The following CLCN4 variants were observed in gnomAD, a reference collection of about 807,000 sequenced individuals.
The protein encoded by CLCN4 is H(+)/Cl(-) exchange transporter 4.
A neutral mutation model predicts 41.7 loss-of-function variants in CLCN4; 1 was observed. The ratio of observed to expected loss-of-function variants is 0.02; its 90% CI spans 0.01 to 0.11. The LOEUF (loss-of-function observed/expected upper bound fraction) is 0.11. CLCN4 is among the 10% of genes least tolerant of loss of function. CLCN4 has a pLI of 1.00. For synonymous variants in CLCN4, 277 were observed against 285.8 expected, an observed-to-expected ratio of 0.97 and a Z score of 0.31; for missense variants, 287 against 661.0, an observed-to-expected ratio of 0.43 and a Z score of 6.20.
intron 12 of CLCN4, among the ~76,000 whole-genome samples, chrX:10,226,500 C>T (rs1248484820): frequency 1.8e-5 from 2 of 111,320 alleles, no homozygotes; most frequent in Non-Finnish European, 1.9e-5. Context: ...GAACCAAGAG[C>T]AGACAAACCC....
chrX:10,229,123 T>A (rs1198096559), intron 12 of CLCN4, among the ~76,000 whole-genome samples: 1 of 110,097 alleles, frequency 9.1e-6, no homozygotes, highest in African/African-American at 3.3e-5. Flanking sequence ...GTGGAAGGAG[T>A]CCTATTGGCC....
intron 11 of CLCN4, among the ~76,000 whole-genome samples, chrX:10,216,918 T>TATATATATACAC (rs773265490): frequency 1.3e-4 from 5 of 38,931 alleles, no homozygotes; most frequent in African/African-American, 2.2e-4. Context: ...TATATATATA[T>TATATATATACAC]ACACACACAC....
Position 10,235,969 on chromosome X carries a change from C to T in CLCN4, c.*2385C>T, listed in dbSNP as rs1452604605. 1 of 112,454 alleles carries T rather than the reference C, an allele frequency of 8.9e-6. No individual in the cohort carries two copies. Among genetic ancestry groups the T allele is most frequent in the East Asian group, 2.8e-4 (1 of 3,575 alleles). 9.3% of individuals were successfully genotyped at this position (112,454 alleles called of 1,213,427 possible). A position where few individuals can be genotyped will look rare whatever the true frequency, so the allele number is the denominator to read the frequency against. ...CGTTTACAAGTGAAGTTGGATTCTC[C>T]TGGGCTTTAAATCCAAAAAGTCTTA... On this transcript the variant is annotated 3_prime_UTR_variant, in exon 13 of 13. Coordinates refer to ENST00000380833, the MANE Select transcript of CLCN4 (RefSeq NM_001830.4).
At chrX:10,214,723 G>A (rs964422783) in intron 11 of CLCN4, among the ~76,000 whole-genome samples, 3 of 112,636 alleles carry the variant, frequency 2.7e-5, no homozygotes, top group Admixed American at 9.4e-5. Context: ...TGAGGGGCAG[G>A]CTGTTGAGTT....
chrX:10,203,408 A>G (rs757405362), intron 6 of CLCN4, among the ~76,000 whole-genome samples: 1 of 111,138 alleles, frequency 9.0e-6, no homozygotes, highest in South Asian at 3.9e-4. Context: ...AGTTCAGGAA[A>G]CACCATCTGA....
intron 2 of CLCN4, among the ~76,000 whole-genome samples, chrX:10,173,472 C>CGGGCTGG (rs1284016562): frequency 9.0e-6 from 1 of 110,955 alleles, no homozygotes; most frequent in Non-Finnish European, 1.9e-5. Flanking sequence ...CTGCGCACCC[C>CGGGCTGG]GGGCTGGGAA....
At chrX:10,230,370 G>C (rs1449062319) in intron 12 of CLCN4, among the ~76,000 whole-genome samples, 1 of 112,248 alleles carries the variant, frequency 8.9e-6, no homozygotes, top group African/African-American at 3.2e-5. Context: ...TAAAGCTTTT[G>C]CAACCGTAGA....
At chrX:10,214,774 C>T (rs890416643) in intron 11 of CLCN4, among the ~76,000 whole-genome samples, 30 of 111,700 alleles carry the variant, frequency 2.7e-4, no homozygotes, top group Non-Finnish European at 5.1e-4. Context: ...TCAGGGTGTC[C>T]CAACGACAGG....
chrX:10,174,558 T>C (rs974762514), intron 2 of CLCN4, among the ~76,000 whole-genome samples: 1 of 112,198 alleles, frequency 8.9e-6, no homozygotes, highest in Admixed American at 9.3e-5. Flanking sequence ...TAGGAGGTGG[T>C]CTTGTTAGCC....
intron 3 of CLCN4, among the ~76,000 whole-genome samples, chrX:10,186,536 T>C: frequency 9.0e-6 from 1 of 110,774 alleles, no homozygotes; most frequent in Non-Finnish European, 1.9e-5. Context: ...GGGCTGGCGG[T>C]GAGGGGAGAG....
At chrX:10,161,124 GCT>G (rs34687262) in intron 2 of CLCN4, among the ~76,000 whole-genome samples, 2,044 of 86,094 alleles carry the variant, frequency 0.024, 22 homozygotes, top group African/African-American at 0.043. Flanking sequence ...CCATCAGCTT[GCT>G]CTCTCTCTCT....
At chrX:10,211,788 G>A (rs770543185) in intron 9 of CLCN4, among the ~76,000 whole-genome samples, 1 of 112,244 alleles carries the variant, frequency 8.9e-6, no homozygotes, top group East Asian at 2.8e-4. Flanking sequence ...ATCCAGCAGG[G>A]TAGAGAACAC....
intron 12 of CLCN4, among the ~76,000 whole-genome samples, chrX:10,225,877 T>C (rs1685846032): frequency 8.9e-6 from 1 of 111,885 alleles, no homozygotes; most frequent in Non-Finnish European, 1.9e-5. Context: ...TTGTTAGCTT[T>C]GTCAAAGATC....
At chrX:10,158,802 G>A (rs1251933784) in intron 2 of CLCN4, among the ~76,000 whole-genome samples, 6 of 113,724 alleles carry the variant, frequency 5.3e-5, no homozygotes, top group African/African-American at 1.9e-4. Context: ...GCGGGCAGGG[G>A]CCAGACAGAA....
At chrX:10,213,636 T>G in intron 10 of CLCN4, 45 bp from the exon 11 acceptor site, 1 of 1,133,846 alleles carries the variant, frequency 8.8e-7, no homozygotes, top group Non-Finnish European at 1.2e-6. Flanking sequence ...TTCCGTGAGC[T>G]GCCCGGCTTG....
intron 2 of CLCN4, among the ~76,000 whole-genome samples, chrX:10,184,599 G>A (rs779400383): frequency 2.0e-4 from 23 of 112,341 alleles, no homozygotes; most frequent in African/African-American, 6.8e-4. Flanking sequence ...GTTCCTGAGT[G>A]TAGGAGGGCT....
At chrX:10,191,449 T>C (rs1376358322) in intron 4 of CLCN4, among the ~76,000 whole-genome samples, 1 of 112,459 alleles carries the variant, frequency 8.9e-6, no homozygotes, top group Non-Finnish European at 1.9e-5. Flanking sequence ...TGATGGATAT[T>C]TGAGTTCTTT....
intron 12 of CLCN4, among the ~76,000 whole-genome samples, chrX:10,229,344 C>T (rs767862132): frequency 9.2e-6 from 1 of 109,183 alleles, no homozygotes; most frequent in East Asian, 2.8e-4. Flanking sequence ...TTTGTGGGTA[C>T]ATAGTAGATG....
chrX:10,183,064 C>T (rs1923726248), intron 2 of CLCN4, among the ~76,000 whole-genome samples: 1 of 111,640 alleles, frequency 9.0e-6, no homozygotes, highest in Non-Finnish European at 1.9e-5. Flanking sequence ...TCTTGTTTTT[C>T]CCATCAGAGA....
Sources: allele counts gnomAD v4.1 joint callset (sites outside exome capture counted in the v4.1 genomes callset), GRCh38; gene constraint gnomAD v4.1.1; transcripts MANE v1.5; gene names NCBI Gene and HGNC (gene_info 2026-07-23, HGNC 2026-07-21).